The following TMEM272 variants were observed in gnomAD, a reference collection of about 807,000 sequenced individuals.
TMEM272 encodes long intergenic non-protein coding RNA 282.
A neutral mutation model predicts 3.7 loss-of-function variants in TMEM272; 8 were observed. The observed-to-expected ratio is 2.17, with a 90% CI of 1.27 to 3.91. The LOEUF (loss-of-function observed/expected upper bound fraction) is 3.91. TMEM272 is among the 30% of genes most tolerant of loss of function. The probability of loss-of-function intolerance (pLI) is 0.00; values close to 1 mark genes in which losing one functional copy is unlikely to be tolerated. For synonymous variants in TMEM272, 63 were observed against 39.8 expected (o/e 1.58, Z -2.20); for missense variants, 166 against 91.5 (o/e 1.81, Z -3.32).
At chr13:51,923,798 T>C in the TMEM272 span, among the ~76,000 whole-genome samples, 1 of 152,096 alleles carries the variant, frequency 6.6e-6, no homozygotes, top group African/African-American at 2.4e-5. Flanking sequence ...CCAAGCCCAA[T>C]TAGCCCTCAG....
chr13:51,911,533 C>A, the TMEM272 span, among the ~76,000 whole-genome samples: 2 of 152,160 alleles, frequency 1.3e-5, no homozygotes, highest in Non-Finnish European at 2.9e-5. Context: ...CCCGCGCATG[C>A]ACATATCTTC....
chr13:51,909,615 A>C, the TMEM272 span: 2 of 1,320,854 alleles, frequency 1.5e-6, no homozygotes, highest in Non-Finnish European at 2.2e-6. Context: ...ACTGAATATA[A>C]ATTGGTTTCT....
chr13:51,835,792 G>A (rs1209182817), intron 2 of TMEM272, among the ~76,000 whole-genome samples: 1 of 152,198 alleles, frequency 6.6e-6, no homozygotes, highest in Admixed American at 6.5e-5. Flanking sequence ...TCAGATACTT[G>A]CCACTCAGGT....
At chr13:51,853,207 G>T in the TMEM272 span, among the ~76,000 whole-genome samples, 1 of 152,134 alleles carries the variant, frequency 6.6e-6, no homozygotes, top group Admixed American at 6.5e-5. Flanking sequence ...AGGAGTTTGA[G>T]ACCAGCCTGG....
chr13:51,882,489 A>G, the TMEM272 span, among the ~76,000 whole-genome samples: 6 of 152,238 alleles, frequency 3.9e-5, no homozygotes, highest in African/African-American at 1.4e-4. Context: ...CCAGACAGGT[A>G]GAAATACCAA....
the TMEM272 span, among the ~76,000 whole-genome samples, chr13:51,892,524 ATG>A: frequency 1.3e-5 from 2 of 152,076 alleles, no homozygotes; most frequent in African/African-American, 4.8e-5. Context: ...GATTGAGCCA[ATG>A]GAGGCATGGA....
chr13:51,900,849 A>G, the TMEM272 span, among the ~76,000 whole-genome samples: 1 of 152,250 alleles, frequency 6.6e-6, no homozygotes, highest in Non-Finnish European at 1.5e-5. Context: ...TATGCTAAGT[A>G]TAAGAAGCCA....
At chr13:51,897,566 G>A in the TMEM272 span, among the ~76,000 whole-genome samples, 1 of 151,294 alleles carries the variant, frequency 6.6e-6, no homozygotes, top group Admixed American at 6.6e-5. Flanking sequence ...CCCTGGAGGG[G>A]GACTCTTATT....
At chr13:51,883,353 C>A in the TMEM272 span, among the ~76,000 whole-genome samples, 2 of 152,160 alleles carry the variant, frequency 1.3e-5, no homozygotes, top group East Asian at 3.8e-4. Flanking sequence ...GTCCTGTGAC[C>A]AAACGAATGA....
chr13:51,902,977 C>A, the TMEM272 span, among the ~76,000 whole-genome samples: 1 of 152,210 alleles, frequency 6.6e-6, no homozygotes, highest in South Asian at 2.1e-4. Context: ...GAGCAATACT[C>A]AAAGCTGGGA....
At chr13:51,863,175 T>C in the TMEM272 span, among the ~76,000 whole-genome samples, 3 of 152,170 alleles carry the variant, frequency 2.0e-5, no homozygotes, top group African/African-American at 7.2e-5. Flanking sequence ...TGCCAAGAGC[T>C]GAATAGAGCC....
chr13:51,869,600 C>T, the TMEM272 span, among the ~76,000 whole-genome samples: 1 of 151,870 alleles, frequency 6.6e-6, no homozygotes, highest in Admixed American at 6.6e-5. Flanking sequence ...AGGGATTCTC[C>T]TGCCTCAGCC....
the TMEM272 span, among the ~76,000 whole-genome samples, chr13:51,927,617 T>C: frequency 6.6e-6 from 1 of 152,258 alleles, no homozygotes; most frequent in South Asian, 2.1e-4. Flanking sequence ...ACTTTCCTCA[T>C]CTCCACACTC....
the TMEM272 span, among the ~76,000 whole-genome samples, chr13:51,905,436 G>A: frequency 6.6e-6 from 1 of 152,206 alleles, no homozygotes; most frequent in South Asian, 2.1e-4. Flanking sequence ...CTCATTTGGA[G>A]AGCACCTTCT....
At chr13:51,918,048 G>T in the TMEM272 span, among the ~76,000 whole-genome samples, 1 of 151,918 alleles carries the variant, frequency 6.6e-6, no homozygotes, top group African/African-American at 2.4e-5. Context: ...TCCAAATATC[G>T]ATCTCTCTCC....
the TMEM272 span, among the ~76,000 whole-genome samples, chr13:51,877,297 T>G: frequency 4.4e-4 from 67 of 152,214 alleles, no homozygotes; most frequent in Non-Finnish European, 4.9e-4. Flanking sequence ...TTCCTGCCTT[T>G]TCTCCCCATG....
chr13:51,832,250 TC>T (rs904564933), intron 2 of TMEM272, among the ~76,000 whole-genome samples: 18 of 152,326 alleles, frequency 1.2e-4, no homozygotes, highest in Admixed American at 8.5e-4. Context: ...TACGCTGCCA[TC>T]CGGTTATCAG....
upstream of TMEM272, among the ~76,000 whole-genome samples, chr13:51,849,373 T>C (rs1956320985): frequency 6.6e-6 from 1 of 152,190 alleles, no homozygotes; most frequent in African/African-American, 2.4e-5. Context: ...GTTTAAGGGA[T>C]GTGGCATTTC....
the TMEM272 span, among the ~76,000 whole-genome samples, chr13:51,860,638 C>CA: frequency 0.78 from 82,052 of 105,664 alleles, 32,096 homozygotes; most frequent in East Asian, 0.89. Flanking sequence ...AAACATGTCT[C>CA]AAAAAAAAAA....
Sources: allele counts gnomAD v4.1 joint callset (sites outside exome capture counted in the v4.1 genomes callset), GRCh38; gene constraint gnomAD v4.1.1; transcripts MANE v1.5; gene names NCBI Gene and HGNC (gene_info 2026-07-23, HGNC 2026-07-21).